The following CUEDC1 variants were observed in gnomAD, a reference collection of about 807,000 sequenced individuals.
CUEDC1 encodes CUE domain-containing protein 1.
In CUEDC1, 30 loss-of-function variants were observed where a neutral mutation model predicts 43.7. The ratio of observed to expected loss-of-function variants is 0.69; its 90% CI spans 0.51 to 0.93. The LOEUF (loss-of-function observed/expected upper bound fraction) is 0.93. CUEDC1 is among the 40% of genes least tolerant of loss of function. The pLI is 0.00. For missense variants in CUEDC1, 486 were observed against 549.0 expected (o/e 0.89, Z 1.15); for synonymous variants, 223 against 223.6 (o/e 1.00, Z 0.02).
chr17:57,889,271 C>T (rs1016883362), intron 1 of CUEDC1, among the ~76,000 whole-genome samples: 6 of 152,162 alleles, frequency 3.9e-5, no homozygotes, highest in Non-Finnish European at 8.8e-5. Context: ...GGTAAAGAGC[C>T]AGGAGCAGTG....
At chr17:57,929,102 T>C (rs1403827608) in intron 1 of CUEDC1, among the ~76,000 whole-genome samples, 1 of 152,180 alleles carries the variant, frequency 6.6e-6, no homozygotes, top group Non-Finnish European at 1.5e-5. Context: ...GCCATTGTCC[T>C]CATTTCCAGA....
chr17:57,873,693 G>T lies in CUEDC1; in HGVS notation c.489C>A (p.Ala163=). The change falls in exon 4 of 11, where the codon GCC becomes GCA. Residue 163 remains alanine (A), a synonymous_variant. Transcript: ENST00000577830. ...TCCGATAGCGTCTCTGGCTTGTAGG[G>T]GCTCCAGAGCCCAGCGCGTCGATAC... ...PPRIDALGSG[A]PTSQRRYRNW... is the part of the protein sequence containing the mutation. 6.3e-7 allele frequency: 1 copy of T among 1,596,228 alleles called. No homozygotes were observed. The highest frequency in any genetic ancestry group is 8.5e-7 in the Non-Finnish European group (1 of 1,171,034).
chr17:57,865,209 C>T (rs992567763), intron 10 of CUEDC1, among the ~76,000 whole-genome samples: 1 of 152,146 alleles, frequency 6.6e-6, no homozygotes, highest in African/African-American at 2.4e-5. Flanking sequence ...GGCGATTCCC[C>T]GGCAGGCTCT....
At position 57,872,793 on chromosome 17, in the gene CUEDC1, T is replaced by C; in HGVS notation, c.654A>G (p.Pro218=). The C allele has an allele frequency of 6.2e-7, 1 of 1,614,212 alleles. No individual in the cohort carries two copies. The highest frequency in any genetic ancestry group is 8.5e-7 in the Non-Finnish European group (1 of 1,180,038). ...GEGCPPAMAG[P]GPGDQESRWK... is the part of the protein sequence containing the mutation. ...AGCGGCTCTCCTGGTCTCCGGGCCC[T>C]GGCCCAGCCATGGCAGGTGGACATC... Residue 218 remains proline (P), a synonymous_variant, in exon 5 of 11, where the codon CCA becomes CCG. Transcript: ENST00000577830.
At chr17:57,891,612 A>T (rs766351998) in intron 1 of CUEDC1, among the ~76,000 whole-genome samples, 2 of 152,150 alleles carry the variant, frequency 1.3e-5, no homozygotes, top group Admixed American at 6.5e-5. Context: ...CCTCGCTGTC[A>T]TATGTGCACG....
intron 1 of CUEDC1, among the ~76,000 whole-genome samples, chr17:57,910,437 A>T (rs2074570757): frequency 6.6e-6 from 1 of 152,158 alleles, no homozygotes; most frequent in Non-Finnish European, 1.5e-5. Flanking sequence ...AACCACAGAA[A>T]AAAAAATGCA....
intron 1 of CUEDC1, among the ~76,000 whole-genome samples, chr17:57,931,196 G>A (rs141257761): frequency 4.3e-4 from 66 of 152,224 alleles, no homozygotes; most frequent in African/African-American, 1.5e-3. Flanking sequence ...GCTGAAGTGT[G>A]GGATCATCTG....
intron 1 of CUEDC1, among the ~76,000 whole-genome samples, chr17:57,900,311 G>A (rs533579763): frequency 3.9e-5 from 6 of 152,274 alleles, no homozygotes; most frequent in South Asian, 4.1e-4. Context: ...TGGGGGAGCC[G>A]GTCAGGACCA....
At chr17:57,936,835 T>C (rs1448906550) in intron 1 of CUEDC1, among the ~76,000 whole-genome samples, 2 of 151,652 alleles carry the variant, frequency 1.3e-5, no homozygotes, top group African/African-American at 4.8e-5. Context: ...ACTTTTTTTT[T>C]TTTTGAAACG....
At chr17:57,907,570 G>A (rs1326208769) in intron 1 of CUEDC1, among the ~76,000 whole-genome samples, 1 of 152,132 alleles carries the variant, frequency 6.6e-6, no homozygotes, top group Admixed American at 6.5e-5. Flanking sequence ...ACTGGGCCAG[G>A]CGCAGTGGCT....
intron 4 of CUEDC1, 102 bp from the exon 5 acceptor site, chr17:57,872,957 C>T (rs1242744533): frequency 1.8e-5 from 19 of 1,083,880 alleles, no homozygotes; most frequent in Non-Finnish European, 2.5e-5. Flanking sequence ...CCAACATCCT[C>T]CAGCCCTCAC....
intron 1 of CUEDC1, among the ~76,000 whole-genome samples, chr17:57,905,044 CG>C (rs1052360730): frequency 1.3e-5 from 2 of 152,058 alleles, no homozygotes; most frequent in African/African-American, 2.4e-5. Context: ...ACCAGCTGCC[CG>C]GGGCTCTGCA....
intron 1 of CUEDC1, among the ~76,000 whole-genome samples, chr17:57,905,701 C>T (rs571465520): frequency 4.6e-5 from 7 of 152,254 alleles, no homozygotes; most frequent in Admixed American, 2.6e-4. Context: ...CAAATAGAAT[C>T]GCATGAAAAA....
intron 3 of CUEDC1, 106 bp downstream of exon 3, chr17:57,879,505 G>GA: frequency 8.4e-7 from 1 of 1,190,832 alleles, no homozygotes; most frequent in Non-Finnish European, 1.1e-6. Context: ...CCTGTTCTTT[G>GA]AAATATACTG....
At chr17:57,873,555 C>T (rs1436645662) in intron 4 of CUEDC1, 36 bp downstream of exon 4, 1 of 1,511,952 alleles carries the variant, frequency 6.6e-7, no homozygotes, top group Non-Finnish European at 8.9e-7. Context: ...GCTGGACAAG[C>T]AGGTGGGAGT....
At chr17:57,887,500 AT>A (rs35030086) in intron 1 of CUEDC1, among the ~76,000 whole-genome samples, 144 of 143,402 alleles carry the variant, frequency 1.0e-3, no homozygotes, top group African/African-American at 2.8e-3. Flanking sequence ...TGATACAGAA[AT>A]TTTTTTTTTT....
intron 1 of CUEDC1, among the ~76,000 whole-genome samples, chr17:57,940,000 T>C (rs1363050736): frequency 6.6e-6 from 1 of 151,856 alleles, no homozygotes; most frequent in Non-Finnish European, 1.5e-5. Context: ...AATTCCCCTA[T>C]GGCTTCAAAT....
intron 1 of CUEDC1, among the ~76,000 whole-genome samples, chr17:57,915,453 T>A (rs1295162963): frequency 6.6e-6 from 1 of 152,026 alleles, no homozygotes; most frequent in Non-Finnish European, 1.5e-5. Context: ...CAGATAGGCA[T>A]AGCGTTCAGA....
intron 1 of CUEDC1, among the ~76,000 whole-genome samples, chr17:57,944,784 A>C (rs1269604116): frequency 6.6e-6 from 1 of 152,224 alleles, no homozygotes; most frequent in Non-Finnish European, 1.5e-5. Context: ...TGGAGATTTG[A>C]GAAGTCCCAC....
Sources: allele counts gnomAD v4.1 joint callset (sites outside exome capture counted in the v4.1 genomes callset), GRCh38; gene constraint gnomAD v4.1.1; transcripts MANE v1.5; gene names NCBI Gene and HGNC (gene_info 2026-07-23, HGNC 2026-07-21).